The following ALG14 variants were observed in gnomAD, a reference collection of about 807,000 sequenced individuals.
ALG14 encodes the protein UDP-N-acetylglucosamine transferase subunit ALG14.
ALG14 carries 17 observed loss-of-function variants against 22.8 expected under a neutral mutation model. The ratio of observed to expected loss-of-function variants is 0.75; its 90% CI spans 0.51 to 1.12. The LOEUF is 1.12. Ranked by LOEUF, ALG14 falls within the 50% of genes most tolerant of loss-of-function variation. The pLI, the probability that ALG14 is intolerant of heterozygous loss-of-function variation, is 0.00. For synonymous variants in ALG14, 89 were observed against 103.7 expected (o/e 0.86, Z 0.86); for missense variants, 288 against 271.8 (o/e 1.06, Z -0.42).
chr1:94,995,030 CTCTT>C (rs1672873311), intron 3 of ALG14, among the ~76,000 whole-genome samples: 3 of 152,198 alleles, frequency 2.0e-5, no homozygotes, highest in Non-Finnish European at 2.9e-5. Flanking sequence ...TCATGGCACT[CTCTT>C]AAGTAGGTAA....
intron 2 of ALG14, among the ~76,000 whole-genome samples, chr1:95,038,157 A>G (rs552715022): frequency 1.5e-4 from 23 of 152,296 alleles, no homozygotes; most frequent in African/African-American, 5.5e-4. Flanking sequence ...TGCTTGGCCA[A>G]CATGGTGAAA....
chr1:94,986,681 C>T (rs538786595), intron 3 of ALG14, among the ~76,000 whole-genome samples: 1 of 151,976 alleles, frequency 6.6e-6, no homozygotes, highest in South Asian at 2.1e-4. Flanking sequence ...CCATGTTGGC[C>T]AGGATGGTCT....
chr1:95,069,526 A>AT (rs1675489835), intron 1 of ALG14, among the ~76,000 whole-genome samples: 1 of 152,150 alleles, frequency 6.6e-6, no homozygotes, highest in Admixed American at 6.5e-5. Context: ...TTGTGTTGAG[A>AT]TGTTATACAT....
intron 3 of ALG14, among the ~76,000 whole-genome samples, chr1:95,001,813 C>A (rs756359169): frequency 1.3e-5 from 2 of 152,142 alleles, no homozygotes; most frequent in Non-Finnish European, 2.9e-5. Flanking sequence ...TGTCTTATTT[C>A]TCAACTGGTT....
At chr1:95,030,286 TTAAA>T (rs1313378901) in intron 2 of ALG14, among the ~76,000 whole-genome samples, 1 of 152,174 alleles carries the variant, frequency 6.6e-6, no homozygotes, top group African/African-American at 2.4e-5. Context: ...GGTTTTGCCG[TTAAA>T]TAAGCTTGTG....
At chr1:95,007,263 C>G (rs997718043) in intron 3 of ALG14, among the ~76,000 whole-genome samples, 1 of 152,194 alleles carries the variant, frequency 6.6e-6, no homozygotes, top group Admixed American at 6.5e-5. Context: ...GTAGGTCTGG[C>G]TAACAAATAC....
chr1:95,017,641 A>AG (rs776614193), intron 3 of ALG14, among the ~76,000 whole-genome samples: 40 of 152,084 alleles, frequency 2.6e-4, no homozygotes, highest in Non-Finnish European at 5.4e-4. Context: ...CAGAAGAGAG[A>AG]GGAGGGCCAC....
intron 3 of ALG14, among the ~76,000 whole-genome samples, chr1:95,004,206 G>T (rs1024351457): frequency 2.6e-5 from 4 of 151,280 alleles, no homozygotes; most frequent in African/African-American, 9.7e-5. Context: ...CCAAAGCATG[G>T]GTAATTAACT....
At chr1:95,060,247 G>T (rs1218089221) in intron 2 of ALG14, among the ~76,000 whole-genome samples, 1 of 151,768 alleles carries the variant, frequency 6.6e-6, no homozygotes, top group Non-Finnish European at 1.5e-5. Context: ...TTGCATCTCT[G>T]CAGAGCTCTT....
chr1:95,027,626 A>G (rs534802148), intron 2 of ALG14, among the ~76,000 whole-genome samples: 135 of 152,350 alleles, frequency 8.9e-4, no homozygotes, highest in South Asian at 7.3e-3. Flanking sequence ...CAGACAGATA[A>G]CTCCAAATGG....
chr1:94,998,140 C>G (rs937142706), intron 3 of ALG14, among the ~76,000 whole-genome samples: 2 of 152,148 alleles, frequency 1.3e-5, no homozygotes, highest in African/African-American at 4.8e-5. Flanking sequence ...AAATAAAATT[C>G]TGTTGGAGAA....
rs1438194573 is a variant in ALG14 at position 95,045,783 on chromosome 1, AATAGAATTAG to A, written c.289-18533_289-18524del. On this transcript the variant is annotated intron_variant, in intron 2 of 3. Coordinates refer to ENST00000370205, the MANE Select transcript of ALG14 (RefSeq NM_144988.4). ...CTATATACTAATAGAATGGCATACTAATAGAATTAGTATACTAATAGAATGGCATACTAAT... is the reference window on the plus strand; with the variant it reads ...CTATATACTAATAGAATGGCATACTATATACTAATAGAATGGCATACTAAT... Among the ~76,000 whole-genome samples, 6 of 148,672 alleles carry A rather than the reference AATAGAATTAG, an allele frequency of 4.0e-5. 3 individuals carry two copies. Among genetic ancestry groups the A allele is most frequent in the African/African-American group, 1.5e-4 (6 of 40,468 alleles).
chr1:95,067,552 T>C (rs1675415344), intron 1 of ALG14: 1 of 144,074 alleles, frequency 6.9e-6, no homozygotes, highest in Non-Finnish European at 1.5e-5. Context: ...ATGATGGATT[T>C]TGTCTTCCAT....
At chr1:95,024,490 A>T (rs1004864864) in intron 3 of ALG14, among the ~76,000 whole-genome samples, 2 of 152,210 alleles carry the variant, frequency 1.3e-5, no homozygotes, top group Non-Finnish European at 2.9e-5. Flanking sequence ...AATCTAATAC[A>T]TGTCTAAAGA....
intron 3 of ALG14, among the ~76,000 whole-genome samples, chr1:95,012,064 G>C (rs922447225): frequency 6.6e-6 from 1 of 152,084 alleles, no homozygotes; most frequent in South Asian, 2.1e-4. Context: ...TTTATAAGGG[G>C]TTTCCCCTTT....
rs56748968 is a variant in ALG14, at chr1:95,058,284, GAAAAAAA to G, written c.288+6575_288+6581del. Among the ~76,000 whole-genome samples, 22 of 20,512 alleles carry G rather than the reference GAAAAAAA, an allele frequency of 1.1e-3. No individual in the cohort carries two copies. The South Asian group carries it at 0.028, about 26-fold the overall frequency. 13.5% of individuals were successfully genotyped at this position (20,512 alleles called of 152,430 possible). A position where few individuals can be genotyped will look rare whatever the true frequency, so the allele number is the denominator to read the frequency against. On this transcript the variant is annotated intron_variant, in intron 2 of 3. Transcript: ENST00000370205. The stretch of plus-strand genomic sequence containing the variant: ...CTGGCAACAAAGCGAGACTCCATCT[GAAAAAAA>G]AAAAAAAAAAAAAAAAAAAAAAGAT...
chr1:95,066,273 G>T (rs1307194861), intron 1 of ALG14, among the ~76,000 whole-genome samples: 1 of 152,124 alleles, frequency 6.6e-6, no homozygotes, highest in Admixed American at 6.5e-5. Flanking sequence ...GCCCAGGCTG[G>T]AATACAATTG....
Position 94,998,008 on chromosome 1 carries a change from G to A in ALG14, c.421-14702C>T, listed in dbSNP as rs370921595. ...CAGGTTCTCAGGTTCTCATTGAAGA[G>A]CCTTTTAAGGGGAAAAGAGGTGGTG... On this transcript the variant is annotated intron_variant, in intron 3 of 3. Transcript: ENST00000370205. 6.6e-5 allele frequency among the ~76,000 whole-genome samples: 10 copies of A among 152,262 alleles called. No homozygotes were observed. In the South Asian group the frequency reaches 2.1e-3, roughly 32 times the overall value.
chr1:95,005,963 CA>C (rs2100742576), intron 3 of ALG14, among the ~76,000 whole-genome samples: 1 of 152,278 alleles, frequency 6.6e-6, no homozygotes, highest in Non-Finnish European at 1.5e-5. Flanking sequence ...TATAGAAAGG[CA>C]AAATTTTTTT....
Sources: allele counts gnomAD v4.1 joint callset (sites outside exome capture counted in the v4.1 genomes callset), GRCh38; gene constraint gnomAD v4.1.1; transcripts MANE v1.5; gene names NCBI Gene and HGNC (gene_info 2026-07-23, HGNC 2026-07-21).